Variants in CNTN5 observed in about 807,000 individuals in gnomAD.
CNTN5 encodes the protein contactin 5.
CNTN5 carries 77 observed loss-of-function variants against 129.1 expected under a neutral mutation model. The ratio of observed to expected loss-of-function variants is 0.60; its 90% CI spans 0.50 to 0.72. The LOEUF (loss-of-function observed/expected upper bound fraction) is 0.72. Among genes scored for constraint, CNTN5 ranks in the 30% least tolerant of loss-of-function variants. The pLI, the probability that CNTN5 is intolerant of heterozygous loss-of-function variation, is 0.00. For missense variants in CNTN5, 1,478 were observed against 1,328.8 expected (o/e 1.11, Z -1.75); for synonymous variants, 509 against 465.6 (o/e 1.09, Z -1.20).
At chr11:99,581,918 C>A (rs1180715332) in intron 3 of CNTN5, among the ~76,000 whole-genome samples, 4 of 152,106 alleles carry the variant, frequency 2.6e-5, no homozygotes, top group Admixed American at 2.6e-4. Context: ...TGCTTCCTAG[C>A]CTTGATGGTC....
intron 9 of CNTN5, among the ~76,000 whole-genome samples, chr11:100,055,725 T>G (rs890137738): frequency 3.3e-5 from 5 of 151,682 alleles, no homozygotes; most frequent in Admixed American, 3.3e-4. Context: ...ATATATGTCA[T>G]AGGTGTTCTG....
intron 1 of CNTN5, among the ~76,000 whole-genome samples, chr11:99,201,988 C>A (rs1042385963): frequency 6.6e-6 from 1 of 152,086 alleles, no homozygotes; most frequent in African/African-American, 2.4e-5. Context: ...TCAATGCATG[C>A]GTGTTTTGCA....
intron 7 of CNTN5, among the ~76,000 whole-genome samples, chr11:99,920,613 C>T (rs371425343): frequency 6.6e-6 from 1 of 152,150 alleles, no homozygotes; most frequent in African/African-American, 2.4e-5. Context: ...CTTCACTTCT[C>T]ACTTTCTCTA....
chr11:99,062,497 T>C (rs1864926169), intron 1 of CNTN5, among the ~76,000 whole-genome samples: 1 of 152,080 alleles, frequency 6.6e-6, no homozygotes, highest in Non-Finnish European at 1.5e-5. Flanking sequence ...ACAGCCAGTA[T>C]ACCACTCTCT....
chr11:99,669,017 A>G (rs1952919283), intron 3 of CNTN5, among the ~76,000 whole-genome samples: 1 of 152,056 alleles, frequency 6.6e-6, no homozygotes, highest in African/African-American at 2.4e-5. Context: ...TGTATTTTCT[A>G]TTTCTTGTGA....
At chr11:99,437,429 C>A (rs1943642326) in intron 2 of CNTN5, among the ~76,000 whole-genome samples, 1 of 152,052 alleles carries the variant, frequency 6.6e-6, no homozygotes, top group Non-Finnish European at 1.5e-5. Context: ...CTAAGAAAGT[C>A]TGATTAAAGT....
At chr11:99,596,681 G>A (rs950292449) in intron 3 of CNTN5, among the ~76,000 whole-genome samples, 3 of 152,098 alleles carry the variant, frequency 2.0e-5, no homozygotes, top group African/African-American at 2.4e-5. Flanking sequence ...TATTTGTTCC[G>A]ATTGAATTAT....
intron 4 of CNTN5, among the ~76,000 whole-genome samples, chr11:99,834,289 G>A (rs1031434634): frequency 2.0e-5 from 3 of 152,078 alleles, no homozygotes; most frequent in Non-Finnish European, 4.4e-5. Flanking sequence ...GGATTTTTAT[G>A]AACAAAAACT....
rs567708196 is a variant in CNTN5 at position 99,662,326 on chromosome 11, G to A, written c.55+106057G>A. 7.2e-5 allele frequency among the ~76,000 whole-genome samples: 11 copies of A among 152,176 alleles called. No homozygotes were observed. The South Asian group carries it at 1.9e-3, about 26-fold the overall frequency. ...GTATATCCCATATGCTACAATAATC[G>A]ACATCCATTAAGCACTGTGTAGACA... On this transcript the variant is annotated intron_variant, in intron 3 of 24. Coordinates refer to ENST00000524871, the MANE Select transcript of CNTN5 (RefSeq NM_014361.4).
chr11:100,053,800 C>A (rs760134639), intron 9 of CNTN5, among the ~76,000 whole-genome samples: 10 of 151,762 alleles, frequency 6.6e-5, no homozygotes, highest in Non-Finnish European at 1.2e-4. Flanking sequence ...AAACTGAAAA[C>A]CAAATGTCCA....
chr11:99,152,072 T>C (rs1191878918), intron 1 of CNTN5, among the ~76,000 whole-genome samples: 2 of 152,200 alleles, frequency 1.3e-5, no homozygotes, highest in Non-Finnish European at 2.9e-5. Context: ...GGAGAAATAA[T>C]GACAGCTCAA....
chr11:99,454,400 C>T (rs774844628), intron 2 of CNTN5, among the ~76,000 whole-genome samples: 1 of 152,126 alleles, frequency 6.6e-6, no homozygotes, highest in Non-Finnish European at 1.5e-5. Context: ...CAGTTTTCCC[C>T]ATGCTGTTCT....
intron 8 of CNTN5, among the ~76,000 whole-genome samples, chr11:99,990,455 T>TATACACAC (rs560732478): frequency 6.9e-6 from 1 of 145,080 alleles, no homozygotes; most frequent in African/African-American, 2.6e-5. Context: ...TATATATATA[T>TATACACAC]ACACACACAC....
intron 13 of CNTN5, among the ~76,000 whole-genome samples, chr11:100,180,005 C>A (rs1316816899): frequency 6.6e-6 from 1 of 151,962 alleles, no homozygotes; most frequent in Non-Finnish European, 1.5e-5. Flanking sequence ...GCCAACTCTA[C>A]AAAAACTCTT....
chr11:99,911,918 C>T (rs1487828117), intron 6 of CNTN5, among the ~76,000 whole-genome samples: 1 of 151,900 alleles, frequency 6.6e-6, no homozygotes, highest in Non-Finnish European at 1.5e-5. Flanking sequence ...TTGTAGCCAA[C>T]TTCCAATAAT....
At chr11:99,750,653 A>T (rs899603210) in intron 3 of CNTN5, among the ~76,000 whole-genome samples, 2 of 152,188 alleles carry the variant, frequency 1.3e-5, no homozygotes, top group Non-Finnish European at 2.9e-5. Flanking sequence ...ATCTAACTAA[A>T]TATACTGTGG....
intron 2 of CNTN5, among the ~76,000 whole-genome samples, chr11:99,521,656 C>T (rs1210605903): frequency 1.3e-5 from 2 of 152,146 alleles, no homozygotes; most frequent in Non-Finnish European, 2.9e-5. Context: ...TTTTGTCCTC[C>T]TCCTTGCTCA....
rs1445923021 is a variant in CNTN5 at position 100,204,295 on chromosome 11, CTAATATATATATATATAT to C, written c.1884+10633_1884+10650del. On this transcript the variant is annotated intron_variant, in intron 15 of 24. Coordinates refer to ENST00000524871, the MANE Select transcript of CNTN5 (RefSeq NM_014361.4). ...TAGCTCACCAAGAAACAAACATTGA[CTAATATATATATATATAT>C]ATATATATATATATATATATATATA... 5.5e-3 allele frequency among the ~76,000 whole-genome samples: 152 copies of C among 27,708 alleles called. 14 individuals carry two copies. Among genetic ancestry groups the C allele is most frequent in the East Asian group, 0.045 (33 of 728 alleles). The allele number at this position is 27,708 out of a possible 152,430, so 18.2% of individuals were successfully genotyped here. A position where few individuals can be genotyped will look rare whatever the true frequency, so the allele number is the denominator to read the frequency against.
rs142439645 is a variant in CNTN5, at chr11:99,469,045, A to G, written c.-70-87100A>G. Among the ~76,000 whole-genome samples the G allele has an allele frequency of 3.1e-4, 47 of 152,278 alleles. 2 individuals are homozygous for G. Among genetic ancestry groups the G allele is most frequent in the African/African-American group, 1.0e-3 (43 of 41,562 alleles). On this transcript the variant is annotated intron_variant, in intron 2 of 24. Transcript: ENST00000524871. Reference sequence around the variant, plus strand: ...CATGCTATTTACATAAGATTTAGAAAGTTTAAAATTAGCTTTTATTTTGCT... The same window carrying G: ...CATGCTATTTACATAAGATTTAGAAGGTTTAAAATTAGCTTTTATTTTGCT...
Sources: allele counts gnomAD v4.1 joint callset (sites outside exome capture counted in the v4.1 genomes callset), GRCh38; gene constraint gnomAD v4.1.1; transcripts MANE v1.5; gene names NCBI Gene and HGNC (gene_info 2026-07-23, HGNC 2026-07-21).